Variants in PLD5 observed in about 807,000 individuals in gnomAD.
The protein encoded by PLD5 is inactive phospholipase D5.
PLD5 carries 36 observed loss-of-function variants against 61.1 expected under a neutral mutation model. That is an observed-to-expected ratio of 0.59 (90% CI 0.45 to 0.78). The LOEUF is 0.78. Ranked by LOEUF, PLD5 falls within the 30% of genes least tolerant of loss-of-function variation. The pLI is 0.00. For synonymous variants in PLD5, 243 were observed against 242.8 expected (o/e 1.00, Z -0.01); for missense variants, 515 against 644.4 (o/e 0.80, Z 2.17).
intron 2 of PLD5, among the ~76,000 whole-genome samples, chr1:242,311,583 G>A (rs1243656327): frequency 1.3e-5 from 2 of 152,174 alleles, no homozygotes; most frequent in Non-Finnish European, 2.9e-5. Flanking sequence ...CACAATTTCT[G>A]CTGGGAAATA....
intron 1 of PLD5, among the ~76,000 whole-genome samples, chr1:242,456,536 T>G (rs550221625): frequency 5.3e-5 from 8 of 152,236 alleles, no homozygotes; most frequent in African/African-American, 1.7e-4. Flanking sequence ...GCAGGCTGAG[T>G]GCGCAAGTCA....
At chr1:242,163,831 A>T (rs1369613453) in intron 5 of PLD5, among the ~76,000 whole-genome samples, 1 of 152,166 alleles carries the variant, frequency 6.6e-6, no homozygotes, top group East Asian at 1.9e-4. Flanking sequence ...AGAGACGGGT[A>T]ACAAGGGTCA....
chr1:242,332,883 A>G (rs971507371), intron 2 of PLD5, among the ~76,000 whole-genome samples: 6 of 152,228 alleles, frequency 3.9e-5, no homozygotes, highest in African/African-American at 1.4e-4. Flanking sequence ...ACCAAGTACT[A>G]TATCAGAGGT....
At chr1:242,476,928 A>G (rs1020706592) in intron 1 of PLD5, among the ~76,000 whole-genome samples, 8 of 152,330 alleles carry the variant, frequency 5.3e-5, no homozygotes, top group African/African-American at 1.4e-4. Flanking sequence ...GTGACAAATG[A>G]ACAACTCCTG....
At chr1:242,202,518 A>T (rs1475022864) in intron 5 of PLD5, among the ~76,000 whole-genome samples, 6 of 152,168 alleles carry the variant, frequency 3.9e-5, no homozygotes, top group Non-Finnish European at 8.8e-5. Context: ...TCCTCCACTG[A>T]ATCCCTGGGA....
intron 4 of PLD5, among the ~76,000 whole-genome samples, chr1:242,242,930 A>G (rs1490270109): frequency 6.6e-6 from 1 of 152,228 alleles, no homozygotes; most frequent in Non-Finnish European, 1.5e-5. Flanking sequence ...GGTTTTTATT[A>G]CTAGAGAGTC....
intron 1 of PLD5, among the ~76,000 whole-genome samples, chr1:242,389,410 T>A (rs781009120): frequency 6.6e-6 from 1 of 152,114 alleles, no homozygotes; most frequent in East Asian, 1.9e-4. Context: ...AGTTGGGCCA[T>A]CAATGTAATA....
intron 1 of PLD5, among the ~76,000 whole-genome samples, chr1:242,466,423 G>A (rs1250420280): frequency 6.6e-6 from 1 of 152,022 alleles, no homozygotes; most frequent in African/African-American, 2.4e-5. Flanking sequence ...GTTCAAAAGA[G>A]ACTTTATCTA....
At chr1:242,494,608 T>A (rs1668301998) in intron 1 of PLD5, among the ~76,000 whole-genome samples, 1 of 152,126 alleles carries the variant, frequency 6.6e-6, no homozygotes, top group South Asian at 2.1e-4. Flanking sequence ...GTGTTTGCGG[T>A]TGCTTGCTGG....
At chr1:242,183,730 T>C (rs974533877) in intron 5 of PLD5, among the ~76,000 whole-genome samples, 18 of 152,146 alleles carry the variant, frequency 1.2e-4, no homozygotes, top group African/African-American at 4.3e-4. Flanking sequence ...CCGTCTCTAC[T>C]AAAAATACAA....
chr1:242,155,368 TA>T (rs1301105152), intron 5 of PLD5, among the ~76,000 whole-genome samples: 1 of 152,204 alleles, frequency 6.6e-6, no homozygotes, highest in Non-Finnish European at 1.5e-5. Context: ...GCTTTGATCA[TA>T]GTTATTTCTT....
At chr1:242,301,491 A>G (rs1056497622) in intron 2 of PLD5, among the ~76,000 whole-genome samples, 1 of 152,000 alleles carries the variant, frequency 6.6e-6, no homozygotes, top group African/African-American at 2.4e-5. Context: ...AAAGCAGGAC[A>G]TGAGTTTACA....
At chr1:242,367,685 T>C (rs1201309228) in intron 1 of PLD5, among the ~76,000 whole-genome samples, 3 of 152,018 alleles carry the variant, frequency 2.0e-5, no homozygotes, top group Admixed American at 1.3e-4. Flanking sequence ...TAACTAAACA[T>C]CTCCAAAAAT....
At chr1:242,186,124 CAGGCTAT>C (rs1417899377) in intron 5 of PLD5, among the ~76,000 whole-genome samples, 7 of 151,990 alleles carry the variant, frequency 4.6e-5, no homozygotes, top group Admixed American at 2.0e-4. Context: ...TCATATACTA[CAGGCTAT>C]AGGCACTATT....
intron 5 of PLD5, among the ~76,000 whole-genome samples, chr1:242,183,128 A>C (rs1667628355): frequency 1.3e-5 from 2 of 152,214 alleles, no homozygotes; most frequent in South Asian, 4.1e-4. Flanking sequence ...TATTAAAAGT[A>C]TGATTTCTCC....
At chr1:242,305,360 T>C (rs1676290007) in intron 2 of PLD5, among the ~76,000 whole-genome samples, 1 of 152,210 alleles carries the variant, frequency 6.6e-6, no homozygotes, top group Admixed American at 6.5e-5. Flanking sequence ...CACATTCCTT[T>C]GTAGCTAATC....
chr1:242,325,907 A>T (rs997441638), intron 2 of PLD5, among the ~76,000 whole-genome samples: 4 of 152,050 alleles, frequency 2.6e-5, no homozygotes, highest in African/African-American at 9.6e-5. Flanking sequence ...TTATTCTTAG[A>T]GTTGGGGTCT....
At chr1:242,431,031 C>T (rs2796076) in intron 1 of PLD5, among the ~76,000 whole-genome samples, 51,512 of 151,994 alleles carry the variant, frequency 0.34, 9,109 homozygotes, top group Middle Eastern at 0.47. Context: ...GCTGACCACA[C>T]GCCTCATGTC....
At chr1:242,301,765 C>CATTATTATTATT (rs543604489) in intron 2 of PLD5, among the ~76,000 whole-genome samples, 86,533 of 140,620 alleles carry the variant, frequency 0.62, 27,643 homozygotes, top group Non-Finnish European at 0.69. Context: ...TTTTTTAAAA[C>CATTATTATTATT]ATTATTATTA....
Sources: gnomAD v4.1 joint callset for allele counts (sites outside exome capture counted in the v4.1 genomes callset) on GRCh38, gnomAD v4.1.1 for gene constraint, MANE v1.5 for transcripts, NCBI Gene and HGNC (gene_info 2026-07-23, HGNC 2026-07-21) for gene names.